The following UCN3 variants were observed in gnomAD, a reference collection of about 807,000 sequenced individuals.
UCN3 encodes the protein urocortin-3.
In UCN3, 3 loss-of-function variants were observed where a neutral mutation model predicts 3.6. That is an observed-to-expected ratio of 0.83 (90% CI 0.38 to 2.15). The LOEUF is 2.15. UCN3 is among the 30% of genes most tolerant of loss of function. The probability of loss-of-function intolerance (pLI) is 0.06; values close to 1 mark genes in which losing one functional copy is unlikely to be tolerated. For missense variants in UCN3, 206 were observed against 208.3 expected (o/e 0.99, Z 0.07); for synonymous variants, 100 against 93.2 (o/e 1.07, Z -0.42).
intron 1 of UCN3, among the ~76,000 whole-genome samples, chr10:5,370,007 A>G (rs868924619): frequency 1.4e-3 from 50 of 34,894 alleles, no homozygotes; most frequent in East Asian, 2.7e-3. Context: ...GTGTGTGTGT[A>G]TGTGTGTGTA....
At position 5,367,952 on chromosome 10, in the gene UCN3, G is replaced by A. The variant is rs1009993139; in HGVS notation, c.-7+2722G>A. Reference sequence around the variant, plus strand: ...GAGAGAGCCATGTGGAACCCACAGAGGGAGGCCTGAGGGTAGCTCCAGGGT... The same window carrying A: ...GAGAGAGCCATGTGGAACCCACAGAAGGAGGCCTGAGGGTAGCTCCAGGGT... On this transcript the variant is annotated intron_variant, in intron 1 of 1. Coordinates refer to ENST00000380433, the MANE Select transcript of UCN3 (RefSeq NM_053049.4). The surrounding 1 kb of genome is among the most constrained non-coding windows in gnomAD (Gnocchi z 4.3). 1.3e-5 allele frequency among the ~76,000 whole-genome samples: 2 copies of A among 152,214 alleles called. No homozygotes were observed. The highest frequency in any genetic ancestry group is 4.1e-4 in the South Asian group (2 of 4,822).
chr10:5,374,253 A>AGGGGGAGGGGAGGGCGAGG lies in UCN3; in HGVS notation c.*62_*80dup, dbSNP rs1564445112. The AGGGGGAGGGGAGGGCGAGG allele has an allele frequency of 1.1e-4, 1 of 9,308 alleles. No homozygotes were observed. Among genetic ancestry groups the AGGGGGAGGGGAGGGCGAGG allele is most frequent in the African/African-American group, 5.7e-4 (1 of 1,748 alleles). The allele number at this position is 9,308 out of a possible 1,614,324, so 0.6% of individuals were successfully genotyped here. A position where few individuals can be genotyped will look rare whatever the true frequency, so the allele number is the denominator to read the frequency against. On this transcript the variant is annotated 3_prime_UTR_variant, in exon 2 of 2. Coordinates refer to ENST00000380433, the MANE Select transcript of UCN3 (RefSeq NM_053049.4). ...GCAGCGGGGTGGGGAGGGGGAGGGGAGGGGGAGGGGAGGGCGAGGGGGGGA... is the reference window on the plus strand; with the variant it reads ...GCAGCGGGGTGGGGAGGGGGAGGGGAGGGGGAGGGGAGGGCGAGGGGGGGAGGGGAGGGCGAGGGGGGGA...
intron 1 of UCN3, among the ~76,000 whole-genome samples, chr10:5,371,209 T>C (rs1831422609): frequency 6.6e-6 from 1 of 151,218 alleles, no homozygotes; most frequent in Non-Finnish European, 1.5e-5. Context: ...TGTGTATGTG[T>C]GCATATGTGT....
intron 1 of UCN3, among the ~76,000 whole-genome samples, chr10:5,370,231 G>GTATA (rs1831349136): frequency 9.9e-6 from 1 of 100,914 alleles, no homozygotes; most frequent in Non-Finnish European, 2.0e-5. Context: ...ATGTGCGTGT[G>GTATA]TGTATGCGTG....
chr10:5,370,561 G>T (rs1554811256), intron 1 of UCN3, among the ~76,000 whole-genome samples: 1 of 118,010 alleles, frequency 8.5e-6, no homozygotes, highest in Non-Finnish European at 1.7e-5. Context: ...GTGTATATGT[G>T]TGTGTATATG....
At position 5,373,671 on chromosome 10, in the gene UCN3, C is replaced by T. The variant is rs41314622; in HGVS notation, c.-6-44C>T. 8.6e-3 allele frequency: 13,674 copies of T among 1,585,554 alleles called. 244 individuals carry two copies. The highest frequency in any genetic ancestry group is 0.068 in the East Asian group (3,021 of 44,558). ...TTAATCCAGGTCCTCCAGAGCACCA[C>T]GCCCCTCCCATGCCCCTGCCCACAT... is the stretch of plus-strand genomic sequence containing the variant. On this transcript the variant is annotated intron_variant, in intron 1 of 1. Coordinates refer to ENST00000380433, the MANE Select transcript of UCN3 (RefSeq NM_053049.4).
chr10:5,369,305 T>C (rs955422145), intron 1 of UCN3, among the ~76,000 whole-genome samples: 2 of 152,220 alleles, frequency 1.3e-5, no homozygotes, highest in African/African-American at 4.8e-5. Context: ...CTGAAAAGGT[T>C]GTGTGCAGAC....
chr10:5,370,798 T>A (rs1371981919), intron 1 of UCN3, among the ~76,000 whole-genome samples: 1 of 143,998 alleles, frequency 6.9e-6, no homozygotes, highest in Non-Finnish European at 1.5e-5. Flanking sequence ...TGTATGCGTG[T>A]GTATATGTGT....
rs1378863007 is a variant in UCN3 at position 5,366,096 on chromosome 10, C to T, written c.-7+866C>T. On this transcript the variant is annotated intron_variant, in intron 1 of 1. Transcript: ENST00000380433. This position sits in a 1 kb window ranked among gnomAD's most constrained non-coding sequence, Gnocchi z 4.2. ...AGACAAACGGAGCCCACAGGAATAG[C>T]TCTGCACTTGGCAGAGATGTGTGAT... 6.6e-6 allele frequency among the ~76,000 whole-genome samples: 1 copy of T among 152,208 alleles called. No homozygotes were observed. Among genetic ancestry groups the T allele is most frequent in the Non-Finnish European group, 1.5e-5 (1 of 68,034 alleles).
At chr10:5,370,426 CGT>C (rs1308209782) in intron 1 of UCN3, among the ~76,000 whole-genome samples, 1 of 10,298 alleles carries the variant, frequency 9.7e-5, no homozygotes, top group Non-Finnish European at 2.0e-4. Flanking sequence ...TGTGTATATG[CGT>C]GTGTATATGC....
chr10:5,370,438 CGTGTGTATGTGT>C lies in UCN3; in HGVS notation c.-6-3268_-6-3257del, dbSNP rs1481214229. ...GTGTGTGTATATGCGTGTGTATATG[CGTGTGTATGTGT>C]GTGTGTATATGTGTGTATATGCGTG... On this transcript the variant is annotated intron_variant, in intron 1 of 1. Transcript: ENST00000380433. Among the ~76,000 whole-genome samples the C allele has an allele frequency of 5.3e-3, 80 of 15,106 alleles. 7 individuals are homozygous for C. The Admixed American group carries it at 0.062, about 12-fold the overall frequency. 9.9% of individuals were successfully genotyped at this position (15,106 alleles called of 152,430 possible). A position where few individuals can be genotyped will look rare whatever the true frequency, so the allele number is the denominator to read the frequency against.
Position 5,373,736 on chromosome 10 carries a change from C to T in UCN3, c.16C>T (p.His6Tyr). 1 of 1,613,650 alleles carries T rather than the reference C, an allele frequency of 6.2e-7. No homozygotes were observed. The highest frequency in any genetic ancestry group is 2.2e-5 in the East Asian group (1 of 44,848). Residue 6 changes from histidine to tyrosine, a missense_variant, in exon 2 of 2, where the codon CAC becomes TAC. By Grantham distance (83) the His-to-Tyr change is moderately conservative (BLOSUM62 2). Transcript: ENST00000380433. The part of the protein sequence containing the change: MLMPV[H>Y]FLLLLLLLLG... ...GCAGGGAGAGATGCTGATGCCGGTC[C>T]ACTTCCTGCTGCTCCTGCTGCTGCT...
At chr10:5,368,712 A>C (rs1401044185) in intron 1 of UCN3, among the ~76,000 whole-genome samples, 4 of 152,170 alleles carry the variant, frequency 2.6e-5, no homozygotes, top group Non-Finnish European at 5.9e-5. Flanking sequence ...GATGCCTTCA[A>C]GGTATAAGGC....
chr10:5,370,187 A>ATGCGTGTGTG lies in UCN3; in HGVS notation c.-6-3527_-6-3526insGCGTGTGTGT, dbSNP rs1831344757. ...TATATGTGTGTGTATATGCGTGTGT[A>ATGCGTGTGTG]TATGCGTGTGTATATGCGTGTGTAT... On this transcript the variant is annotated intron_variant, in intron 1 of 1. Coordinates refer to ENST00000380433, the MANE Select transcript of UCN3 (RefSeq NM_053049.4). 8.2e-5 allele frequency among the ~76,000 whole-genome samples: 3 copies of ATGCGTGTGTG among 36,506 alleles called. 1 individual carries two copies. Among genetic ancestry groups the ATGCGTGTGTG allele is most frequent in the African/African-American group, 3.6e-4 (2 of 5,508 alleles). The allele number at this position is 36,506 out of a possible 152,430, so 23.9% of individuals were successfully genotyped here.
rs1188186119 is a variant in UCN3 at position 5,370,773 on chromosome 10, ATATGCGTGTGTGTGTG to A, written c.-6-2930_-6-2915del. Among the ~76,000 whole-genome samples, 23 of 110,352 alleles carry A rather than the reference ATATGCGTGTGTGTGTG, an allele frequency of 2.1e-4. No individual in the cohort carries two copies. In the South Asian group the frequency reaches 3.8e-3, roughly 18 times the overall value. The allele number at this position is 110,352 out of a possible 152,430, so 72.4% of individuals were successfully genotyped here. ...ATGATGTGTGTGTATATGCGTGTGT[ATATGCGTGTGTGTGTG>A]TATGCGTGTGTATATGTGTGTGTGC... On this transcript the variant is annotated intron_variant, in intron 1 of 1. Coordinates refer to ENST00000380433, the MANE Select transcript of UCN3 (RefSeq NM_053049.4).
rs1834107056 is a variant in UCN3, at chr10:5,365,466, C to G, written c.-7+236C>G. On this transcript the variant is annotated intron_variant, in intron 1 of 1. Coordinates refer to ENST00000380433, the MANE Select transcript of UCN3 (RefSeq NM_053049.4). The surrounding 1 kb of genome is among the most constrained non-coding windows in gnomAD (Gnocchi z 4.4). ...CATTCCCACGTTGGTATAGAGAGAC[C>G]CTCTTTCCAAAGGTGTTAGATCAGA... 6.6e-6 allele frequency among the ~76,000 whole-genome samples: 1 copy of G among 152,166 alleles called. No individual in the cohort carries two copies.
rs1834110816 is a variant in UCN3, at chr10:5,365,701, T to C, written c.-7+471T>C. Among the ~76,000 whole-genome samples, 1 of 152,098 alleles carries C rather than the reference T, an allele frequency of 6.6e-6. No homozygotes were observed. The highest frequency in any genetic ancestry group is 2.4e-5 in the African/African-American group (1 of 41,402). ...GTGCCACAAACCTTCACCTGTGCCA[T>C]CTCCCGTCACTCTCGGGCACACCTG... On this transcript the variant is annotated intron_variant, in intron 1 of 1. Transcript: ENST00000380433. This position sits in a 1 kb window ranked among gnomAD's most constrained non-coding sequence, Gnocchi z 4.4.
At chr10:5,370,511 ATATGTGTGTG>A (rs1386955438) in intron 1 of UCN3, among the ~76,000 whole-genome samples, 7 of 72,434 alleles carry the variant, frequency 9.7e-5, no homozygotes, top group Admixed American at 5.2e-4. Context: ...ATGCGTGTGT[ATATGTGTGTG>A]TATGTGTGTG....
At chr10:5,370,879 A>G (rs373706915) in intron 1 of UCN3, among the ~76,000 whole-genome samples, 2,609 of 76,202 alleles carry the variant, frequency 0.034, 136 homozygotes, top group African/African-American at 0.073. Context: ...ATGTGTGTGT[A>G]TATGCGTGTG....
Sources: allele counts gnomAD v4.1 joint callset (sites outside exome capture counted in the v4.1 genomes callset), GRCh38; gene constraint gnomAD v4.1.1; non-coding constraint Gnocchi (gnomAD v3.1); transcripts MANE v1.5; gene names NCBI Gene and HGNC (gene_info 2026-07-23, HGNC 2026-07-21).